Variants in ARHGEF10 observed in about 807,000 individuals in gnomAD.
ARHGEF10 encodes the protein Rho guanine nucleotide exchange factor 10, also known as Rho guanine nucleotide exchange factor (GEF) 10.
In ARHGEF10, 140 loss-of-function variants were observed where a neutral mutation model predicts 147.4. The ratio of observed to expected loss-of-function variants is 0.95; its 90% confidence interval spans 0.83 to 1.09. ARHGEF10 has a LOEUF of 1.09. ARHGEF10 is among the 50% of genes least tolerant of loss of function. ARHGEF10 has a pLI of 0.00. For missense variants in ARHGEF10, 2,222 were observed against 1,752.7 expected, an observed-to-expected ratio of 1.27 and a Z score of -4.78; for synonymous variants, 902 against 695.8, an observed-to-expected ratio of 1.30 and a Z score of -4.67.
chr8:1,894,664 C>T, intron 13 of ARHGEF10, 92 bp downstream of exon 13: 2 of 1,431,918 alleles, frequency 1.4e-6, no homozygotes, highest in Non-Finnish European at 2.0e-6. Context: ...CCCTGATCTC[C>T]TGCAAGCTGA....
chr8:1,868,826 G>C (rs953907920), intron 6 of ARHGEF10, among the ~76,000 whole-genome samples: 3 of 152,142 alleles, frequency 2.0e-5, no homozygotes, highest in African/African-American at 7.2e-5. Flanking sequence ...ATACTCGTCA[G>C]AGAGCCATAT....
At chr8:1,951,185 G>C (rs1815016335) in intron 27 of ARHGEF10, among the ~76,000 whole-genome samples, 1 of 152,234 alleles carries the variant, frequency 6.6e-6, no homozygotes, top group African/African-American at 2.4e-5. Context: ...GCTCTAGAAA[G>C]ATCATCCACA....
intron 26 of ARHGEF10, among the ~76,000 whole-genome samples, chr8:1,935,074 C>T (rs1813466461): frequency 1.3e-5 from 2 of 152,182 alleles, no homozygotes; most frequent in South Asian, 4.1e-4. Context: ...ACTTAGCCTC[C>T]TTAGCAACTA....
In ARHGEF10 at chr8:1,957,274, C is replaced by T. The variant is rs767723766; in HGVS notation, c.*11C>T. The T allele has an allele frequency of 2.8e-5, 45 of 1,604,100 alleles. No homozygotes were observed. The highest frequency in any genetic ancestry group is 3.4e-5 in the Admixed American group (2 of 59,384). ...CTGCTGAATATATAAGCAGGACGGC[C>T]GCCTTCTGCTGTCAGAATTTGCAAT... On this transcript the variant is annotated 3_prime_UTR_variant, in exon 29 of 29. Transcript: ENST00000349830.
At position 1,956,863 on chromosome 8, in the gene ARHGEF10, C is replaced by G. The variant is rs750365714; in HGVS notation, c.3635C>G (p.Pro1212Arg). 2.5e-6 allele frequency: 4 copies of G among 1,613,966 alleles called. No individual in the cohort carries two copies. Among genetic ancestry groups the G allele is most frequent in the Non-Finnish European group, 3.4e-6 (4 of 1,180,040 alleles). Residue 1212 changes from proline (P) to arginine (R), a missense_variant, in exon 29 of 29, where the codon CCC (proline) becomes CGC (arginine). Coordinates refer to ENST00000349830, the MANE Select transcript of ARHGEF10 (RefSeq NM_014629.4). ...TCCAGGGACAGCCTGGCTCCTGGCC[C>G]CGAGCCTCAGGACGAAGACCAGAAG... is the stretch of plus-strand genomic sequence containing the variant. ...DKSRDSLAPG[P>R]EPQDEDQKDA...
In ARHGEF10 at chr8:1,888,668, G is replaced by C. The variant is rs898131595; in HGVS notation, c.1182+2961G>C. Among the ~76,000 whole-genome samples the C allele has an allele frequency of 8.0e-5, 11 of 138,280 alleles. 2 individuals carry two copies. The highest frequency in any genetic ancestry group is 3.4e-4 in the African/African-American group (11 of 32,090). 90.7% of individuals were successfully genotyped at this position (138,280 alleles called of 152,430 possible). ...GGGTCCTGAGGAAACACTGAGTTGG[G>C]TGAGGGTTTGTGAGGAGACACTGAA... is the stretch of plus-strand genomic sequence containing the variant. On this transcript the variant is annotated intron_variant, in intron 11 of 28. Coordinates refer to ENST00000349830, the MANE Select transcript of ARHGEF10 (RefSeq NM_014629.4).
chr8:1,900,923 C>T (rs552841869), intron 15 of ARHGEF10, among the ~76,000 whole-genome samples: 3 of 152,242 alleles, frequency 2.0e-5, no homozygotes, highest in Admixed American at 1.3e-4. Flanking sequence ...TGGTCTTTGC[C>T]TTGATCTGAC....
chr8:1,834,810 G>T (rs1389379400), intron 1 of ARHGEF10, among the ~76,000 whole-genome samples: 1 of 152,192 alleles, frequency 6.6e-6, no homozygotes, highest in Non-Finnish European at 1.5e-5. Flanking sequence ...AATCAATCGG[G>T]TGCAGAATGC....
intron 9 of ARHGEF10, among the ~76,000 whole-genome samples, chr8:1,882,008 G>C (rs1209414451): frequency 6.6e-6 from 1 of 152,216 alleles, no homozygotes; most frequent in Admixed American, 6.5e-5. Context: ...GTCCAGCACA[G>C]CTCTGGCCGA....
rs369133761 is a variant in ARHGEF10 at position 1,882,799 on chromosome 8, C to T, written c.1075+50C>T. Reference sequence around the variant, plus strand: ...GGGGAGGACACGGGGTTGGGGGGGGCGGCCACATCTTGTGGGGAGGACTCG... The same window carrying T: ...GGGGAGGACACGGGGTTGGGGGGGGTGGCCACATCTTGTGGGGAGGACTCG... On this transcript the variant is annotated intron_variant, in intron 10 of 28. Transcript: ENST00000349830. 1.6e-3 allele frequency: 1,197 copies of T among 749,624 alleles called. 14 individuals are homozygous for T. In the African/African-American group the frequency reaches 0.026, roughly 16 times the overall value. 46.4% of individuals were successfully genotyped at this position (749,624 alleles called of 1,614,324 possible). A position where few individuals can be genotyped will look rare whatever the true frequency, so the allele number is the denominator to read the frequency against.
chr8:1,903,583 G>A (rs1288030067), intron 16 of ARHGEF10, 132 bp downstream of exon 16: 1 of 1,169,236 alleles, frequency 8.6e-7, no homozygotes, highest in Non-Finnish European at 1.2e-6. Flanking sequence ...CTTAACCGGG[G>A]TGGATGGAGG....
chr8:1,920,234 A>G (rs1812177117), intron 18 of ARHGEF10, among the ~76,000 whole-genome samples: 1 of 152,380 alleles, frequency 6.6e-6, no homozygotes, highest in African/African-American at 2.4e-5. Flanking sequence ...AGAAGGGTCA[A>G]TTTGATTGGA....
chr8:1,860,003 C>T lies in ARHGEF10; in HGVS notation c.300C>T (p.Phe100=). 2 of 1,614,132 alleles carry T rather than the reference C, an allele frequency of 1.2e-6. No homozygotes were observed. Among genetic ancestry groups the T allele is most frequent in the South Asian group, 1.1e-5 (1 of 91,078 alleles). ...ATTCTGTCATCGACATCACGCCATTCCAGGAGGACCAGCCGCCCACCCCCG... is the reference window on the plus strand; with the variant it reads ...ATTCTGTCATCGACATCACGCCATTTCAGGAGGACCAGCCGCCCACCCCCG... ...NPYSVIDITP[F]QEDQPPTPVP... The change falls in exon 4 of 29, where the codon TTC becomes TTT. Residue 100 remains phenylalanine, a synonymous_variant. Transcript: ENST00000349830.
At chr8:1,827,905 G>GA (rs1802863542) in intron 1 of ARHGEF10, among the ~76,000 whole-genome samples, 2 of 152,204 alleles carry the variant, frequency 1.3e-5, no homozygotes, top group South Asian at 2.1e-4. Context: ...GAGCGATGGG[G>GA]AAGCATGCAG....
At chr8:1,827,941 G>A (rs1406316920) in intron 1 of ARHGEF10, among the ~76,000 whole-genome samples, 6 of 152,188 alleles carry the variant, frequency 3.9e-5, no homozygotes, top group African/African-American at 1.4e-4. Context: ...ATGTAGAGAT[G>A]CATGGCTGTC....
chr8:1,859,641 C>T (rs1805924827), intron 3 of ARHGEF10, among the ~76,000 whole-genome samples: 1 of 152,250 alleles, frequency 6.6e-6, no homozygotes, highest in African/African-American at 2.4e-5. Context: ...CCGGCAGCTT[C>T]TCCCTGACTT....
At chr8:1,835,048 G>T (rs546026371) in intron 1 of ARHGEF10, among the ~76,000 whole-genome samples, 10 of 152,378 alleles carry the variant, frequency 6.6e-5, no homozygotes, top group African/African-American at 2.4e-4. Flanking sequence ...GTCGGGGAGT[G>T]CTGGGCGCTG....
chr8:1,852,229 G>C (rs1045046380), intron 2 of ARHGEF10, among the ~76,000 whole-genome samples: 1 of 151,582 alleles, frequency 6.6e-6, no homozygotes, highest in Non-Finnish European at 1.5e-5. Context: ...ATCCTGGAGA[G>C]GACCGGGGAG....
intron 9 of ARHGEF10, 55 bp downstream of exon 9, chr8:1,880,219 A>G: frequency 1.3e-5 from 17 of 1,282,686 alleles, no homozygotes; most frequent in Non-Finnish European, 1.9e-5. Flanking sequence ...AGTAAAGAAA[A>G]ACCGCGCGGC....
Sources: gnomAD v4.1 joint callset for allele counts (sites outside exome capture counted in the v4.1 genomes callset) on GRCh38, gnomAD v4.1.1 for gene constraint, MANE v1.5 for transcripts, NCBI Gene and HGNC (gene_info 2026-07-23, HGNC 2026-07-21) for gene names.